The following TRAF3 variants were observed in gnomAD, a reference collection of about 807,000 sequenced individuals.
TRAF3 encodes TNF receptor-associated factor 3.
A neutral mutation model predicts 62.3 loss-of-function variants in TRAF3; 13 were observed. The ratio of observed to expected loss-of-function variants is 0.21; its 90% CI spans 0.14 to 0.33. The LOEUF (loss-of-function observed/expected upper bound fraction) is 0.33, where lower values mean the gene tolerates loss of function less well. Ranked by LOEUF, TRAF3 falls within the 10% of genes least tolerant of loss-of-function variation. The pLI is 1.00. For missense variants in TRAF3, 440 were observed against 741.8 expected (o/e 0.59, Z 4.73); for synonymous variants, 269 against 283.4 (o/e 0.95, Z 0.51).
chr14:102,798,023 C>T (rs758445376), intron 1 of TRAF3, among the ~76,000 whole-genome samples: 1 of 152,050 alleles, frequency 6.6e-6, no homozygotes, highest in Non-Finnish European at 1.5e-5. Flanking sequence ...AGGTGTGAGC[C>T]ACCACGCCCA....
intron 2 of TRAF3, among the ~76,000 whole-genome samples, chr14:102,869,658 TAGCC>T (rs1187478815): frequency 6.6e-6 from 1 of 151,590 alleles, no homozygotes; most frequent in Non-Finnish European, 1.5e-5. Flanking sequence ...TACAAAAAAT[TAGCC>T]AGGTGTGGTG....
chr14:102,898,393 G>A (rs1027333685), intron 10 of TRAF3, among the ~76,000 whole-genome samples: 1 of 152,200 alleles, frequency 6.6e-6, no homozygotes, highest in African/African-American at 2.4e-5. Flanking sequence ...AAAACACCAA[G>A]CCTCCCGCTG....
At chr14:102,882,523 G>A (rs1377650996) in intron 6 of TRAF3, among the ~76,000 whole-genome samples, 2 of 151,294 alleles carry the variant, frequency 1.3e-5, no homozygotes, top group African/African-American at 2.4e-5. Context: ...CTTGCCCTAG[G>A]CCACCTCTCT....
intron 1 of TRAF3, among the ~76,000 whole-genome samples, chr14:102,820,336 G>A (rs892050501): frequency 1.1e-4 from 17 of 151,840 alleles, no homozygotes; most frequent in African/African-American, 3.6e-4. Flanking sequence ...GACCAGGAGC[G>A]CTGCCCTCAC....
intron 1 of TRAF3, among the ~76,000 whole-genome samples, chr14:102,808,058 A>G (rs1427107803): frequency 2.6e-5 from 4 of 152,216 alleles, no homozygotes; most frequent in East Asian, 1.9e-4. Flanking sequence ...GATGGAATGC[A>G]TGGTCCAGGT....
intron 1 of TRAF3, among the ~76,000 whole-genome samples, chr14:102,807,623 C>A (rs555254980): frequency 3.5e-4 from 54 of 152,276 alleles, no homozygotes; most frequent in African/African-American, 1.3e-3. Context: ...AGGGACCTGC[C>A]CTCCTTCCCG....
intron 1 of TRAF3, among the ~76,000 whole-genome samples, chr14:102,787,518 C>G (rs1421770488): frequency 6.9e-6 from 1 of 145,770 alleles, no homozygotes; most frequent in Admixed American, 6.8e-5. Flanking sequence ...CTCTACTAAA[C>G]CAAAAAAAAA....
At position 102,830,457 on chromosome 14, in the gene TRAF3, T is replaced by C. The variant is rs1353376236; in HGVS notation, c.-33T>C. On this transcript the variant is annotated 5_prime_UTR_variant, in exon 2 of 12. Transcript: ENST00000392745. ...GGCTCCCTACTCTTCTAAGGATCGC[T>C]GTCCTGACAGAAGAGGTTTGCTCTC... is the stretch of plus-strand genomic sequence containing the variant. 1 of 151,456 alleles carries C rather than the reference T, an allele frequency of 6.6e-6. No individual in the cohort carries two copies. The highest frequency in any genetic ancestry group is 1.9e-4 in the East Asian group (1 of 5,174). The allele number at this position is 151,456 out of a possible 1,614,324, so 9.4% of individuals were successfully genotyped here.
intron 6 of TRAF3, among the ~76,000 whole-genome samples, chr14:102,884,079 A>G (rs1362749245): frequency 6.6e-6 from 1 of 152,196 alleles, no homozygotes; most frequent in East Asian, 1.9e-4. Context: ...AAACAAATTT[A>G]TCCTGTCATA....
At chr14:102,901,448 G>A (rs1008438634) in intron 10 of TRAF3, among the ~76,000 whole-genome samples, 3 of 152,220 alleles carry the variant, frequency 2.0e-5, no homozygotes, top group African/African-American at 7.2e-5. Flanking sequence ...AGCTCAGTGT[G>A]CGTGTTAGAA....
At chr14:102,870,624 G>A (rs1888286333) in intron 3 of TRAF3, among the ~76,000 whole-genome samples, 178 bp downstream of exon 3, 1 of 152,180 alleles carries the variant, frequency 6.6e-6, no homozygotes, top group African/African-American at 2.4e-5. Context: ...TCCCACGTGT[G>A]GGTTTACTGA....
At chr14:102,878,273 C>G (rs1225523386) in intron 6 of TRAF3, among the ~76,000 whole-genome samples, 1 of 151,746 alleles carries the variant, frequency 6.6e-6, no homozygotes, top group East Asian at 1.9e-4. Context: ...TGGAGAGAGA[C>G]AGCTTCTCAT....
intron 6 of TRAF3, among the ~76,000 whole-genome samples, chr14:102,883,403 A>G (rs1460132518): frequency 6.6e-6 from 1 of 152,232 alleles, no homozygotes; most frequent in South Asian, 2.1e-4. Flanking sequence ...ACACATATGT[A>G]TAGTGAAACC....
intron 1 of TRAF3, among the ~76,000 whole-genome samples, chr14:102,803,268 C>T (rs1275597918): frequency 2.0e-5 from 3 of 152,124 alleles, no homozygotes; most frequent in Non-Finnish European, 4.4e-5. Flanking sequence ...CTTAGAGTTA[C>T]AGTCTTGGAA....
At chr14:102,806,073 C>A (rs944063488) in intron 1 of TRAF3, among the ~76,000 whole-genome samples, 2 of 151,448 alleles carry the variant, frequency 1.3e-5, no homozygotes, top group African/African-American at 4.9e-5. Context: ...GTCTGGAAAC[C>A]TTCAGAAGTG....
chr14:102,875,479 C>T, intron 4 of TRAF3, 145 bp from the exon 5 acceptor site: 1 of 639,884 alleles, frequency 1.6e-6, no homozygotes, highest in South Asian at 1.8e-5. Context: ...TTCTAGAAAT[C>T]AAGATGGTCC....
At chr14:102,851,337 C>T (rs1385758159) in intron 2 of TRAF3, among the ~76,000 whole-genome samples, 1 of 152,200 alleles carries the variant, frequency 6.6e-6, no homozygotes, top group Admixed American at 6.5e-5. Flanking sequence ...TCCAAATATG[C>T]AATCTCACTT....
At chr14:102,889,415 G>A (rs117255793) in intron 7 of TRAF3, 145 bp from the exon 8 acceptor site, 13 of 791,068 alleles carry the variant, frequency 1.6e-5, no homozygotes, top group Middle Eastern at 2.3e-4. Context: ...CTGCATAGAA[G>A]TCTAGGCAGC....
chr14:102,825,819 T>C (rs1469425425), intron 1 of TRAF3, among the ~76,000 whole-genome samples: 1 of 152,220 alleles, frequency 6.6e-6, no homozygotes, highest in East Asian at 1.9e-4. Flanking sequence ...AAGCGCTTGA[T>C]GAAAGTTCCT....
Sources: gnomAD v4.1 joint callset for allele counts (sites outside exome capture counted in the v4.1 genomes callset) on GRCh38, gnomAD v4.1.1 for gene constraint, MANE v1.5 for transcripts, NCBI Gene and HGNC (gene_info 2026-07-23, HGNC 2026-07-21) for gene names.